Variants in HSPA14 observed in about 807,000 individuals in gnomAD.
The protein encoded by HSPA14 is heat shock 70 kDa protein 14.
In HSPA14, 37 loss-of-function variants were observed where a neutral mutation model predicts 65.5. The ratio of observed to expected loss-of-function variants is 0.56; its 90% CI spans 0.43 to 0.74. The LOEUF (loss-of-function observed/expected upper bound fraction) is 0.74, where lower values mean the gene tolerates loss of function less well. HSPA14 is among the 30% of genes least tolerant of loss of function. The pLI, the probability that HSPA14 is intolerant of heterozygous loss-of-function variation, is 0.00. For synonymous variants in HSPA14, 203 were observed against 214.2 expected (o/e 0.95, Z 0.46); for missense variants, 564 against 607.6 (o/e 0.93, Z 0.75).
intron 12 of HSPA14, among the ~76,000 whole-genome samples, chr10:14,869,555 A>C (rs911459217): frequency 6.6e-6 from 1 of 152,184 alleles, no homozygotes; most frequent in Non-Finnish European, 1.5e-5. Flanking sequence ...TCAGCCTCCC[A>C]AACTGCTGGG....
chr10:14,864,407 G>A (rs976347493), intron 10 of HSPA14, among the ~76,000 whole-genome samples: 2 of 151,214 alleles, frequency 1.3e-5, no homozygotes, highest in Admixed American at 1.3e-4. Context: ...ATGTACACAT[G>A]TGCCATGTTG....
intron 8 of HSPA14, among the ~76,000 whole-genome samples, chr10:14,853,544 T>C (rs1834123450): frequency 6.6e-6 from 1 of 152,222 alleles, no homozygotes; most frequent in Admixed American, 6.5e-5. Context: ...ATTACAATTA[T>C]ATAATGCAGC....
At chr10:14,868,034 T>C (rs1832822350) in intron 12 of HSPA14, 125 bp downstream of exon 12, 1 of 727,054 alleles carries the variant, frequency 1.4e-6, no homozygotes, top group African/African-American at 1.8e-5. Flanking sequence ...TATGAAGGAT[T>C]TTATGAAGGC....
At chr10:14,839,240 G>C (rs1336107887) in intron 1 of HSPA14, among the ~76,000 whole-genome samples, 1 of 152,224 alleles carries the variant, frequency 6.6e-6, no homozygotes, top group East Asian at 1.9e-4. Flanking sequence ...TGACTTGTTA[G>C]GAAAAGCCAA....
chr10:14,839,821 C>G, intron 1 of HSPA14, 84 bp from the exon 2 acceptor site: 1 of 937,378 alleles, frequency 1.1e-6, no homozygotes, highest in Non-Finnish European at 1.6e-6. Flanking sequence ...TCTTTCCACA[C>G]AGATGGCAAA....
chr10:14,862,221 G>T (rs926888144), intron 10 of HSPA14, among the ~76,000 whole-genome samples: 1 of 150,700 alleles, frequency 6.6e-6, no homozygotes, highest in African/African-American at 2.4e-5. Flanking sequence ...GTAGAGATGG[G>T]GTTTCACCGT....
chr10:14,867,007 TCA>T, intron 10 of HSPA14, 74 bp from the exon 11 acceptor site: 3 of 991,352 alleles, frequency 3.0e-6, no homozygotes, highest in Non-Finnish European at 4.7e-6. Flanking sequence ...TGAAGATGAC[TCA>T]GTCTATTACA....
At position 14,853,833 on chromosome 10, in the gene HSPA14, C is replaced by T. The variant is rs558764221; in HGVS notation, c.735-292C>T. 4.6e-5 allele frequency among the ~76,000 whole-genome samples: 7 copies of T among 152,268 alleles called. No individual in the cohort carries two copies. The East Asian group carries it at 7.7e-4, about 17-fold the overall frequency. On this transcript the variant is annotated intron_variant, in intron 8 of 13. Coordinates refer to ENST00000378372, the MANE Select transcript of HSPA14 (RefSeq NM_016299.4). ...CTCCCAGGTTCAAGCGATTCTTCTG[C>T]CTCAGCCTCCCAAGTAGCTGGGATT... is the stretch of plus-strand genomic sequence containing the variant.
At chr10:14,862,592 G>T (rs929145414) in intron 10 of HSPA14, among the ~76,000 whole-genome samples, 1 of 151,458 alleles carries the variant, frequency 6.6e-6, no homozygotes, top group Non-Finnish European at 1.5e-5. Context: ...ATCCAGGATG[G>T]TCTCAATCTC....
chr10:14,856,312 CTAT>C (rs897130293), intron 10 of HSPA14, among the ~76,000 whole-genome samples: 1 of 152,120 alleles, frequency 6.6e-6, no homozygotes, highest in Non-Finnish European at 1.5e-5. Flanking sequence ...AAGGTAAGCA[CTAT>C]TATTTATCCT....
At chr10:14,844,111 C>A in intron 3 of HSPA14, 1 of 1,375,884 alleles carries the variant, frequency 7.3e-7, no homozygotes, top group African/African-American at 1.5e-5. Context: ...TAATAGAAAA[C>A]GATGGAGCCA....
rs1833983715 is a variant in HSPA14 at position 14,842,299 on chromosome 10, T to C, written c.221+2142T>C. 1 of 1,535,852 alleles carries C rather than the reference T, an allele frequency of 6.5e-7. No individual in the cohort carries two copies. The highest frequency in any genetic ancestry group is 8.7e-7 in the Non-Finnish European group (1 of 1,146,706). On this transcript the variant is annotated intron_variant, in intron 3 of 13. Transcript: ENST00000378372. The surrounding 1 kb of genome is among the most constrained non-coding windows in gnomAD (Gnocchi z 5.2). ...TCCAACCCACAATGGCCAGTGCCAA[T>C]AGCAGTGCGGGCATCCGGTGGTCCA...
chr10:14,864,915 G>A (rs564745297), intron 10 of HSPA14, among the ~76,000 whole-genome samples: 30 of 151,566 alleles, frequency 2.0e-4, no homozygotes, highest in African/African-American at 6.8e-4. Flanking sequence ...TTCCACAATG[G>A]TTGAACTAGT....
Position 14,842,694 on chromosome 10 carries a change from G to T in HSPA14, c.221+2537G>T. On this transcript the variant is annotated intron_variant, in intron 3 of 13. Coordinates refer to ENST00000378372, the MANE Select transcript of HSPA14 (RefSeq NM_016299.4). The surrounding 1 kb of genome is among the most constrained non-coding windows in gnomAD (Gnocchi z 5.2). ...GACGCCCCAGGGGAAGAGGGAACCG[G>T]CATTCTAAAATCAAAAAGGACTCAG... The T allele has an allele frequency of 1.3e-6, 2 of 1,536,374 alleles. No homozygotes were observed. The highest frequency in any genetic ancestry group is 2.4e-5 in the East Asian group (1 of 40,916).
chr10:14,843,962 TC>T (rs1311716063), intron 3 of HSPA14: 1 of 1,511,014 alleles, frequency 6.6e-7, no homozygotes, highest in African/African-American at 1.4e-5. Context: ...GCCTTCTGAA[TC>T]CCTGGCTCCT....
chr10:14,858,805 C>T (rs1016022714), intron 10 of HSPA14, among the ~76,000 whole-genome samples: 3 of 152,142 alleles, frequency 2.0e-5, no homozygotes, highest in Admixed American at 6.5e-5. Context: ...CTTCTATCTT[C>T]ATTTTCAGAT....
At chr10:14,838,666 A>C (rs919490344) in intron 1 of HSPA14, 1 of 525,934 alleles carries the variant, frequency 1.9e-6, no homozygotes, top group African/African-American at 2.0e-5. Context: ...TCCGCGGCGG[A>C]GGCTCGCGGC....
chr10:14,843,923 A>C, intron 3 of HSPA14: 3 of 1,534,416 alleles, frequency 2.0e-6, no homozygotes, highest in Non-Finnish European at 2.6e-6. Flanking sequence ...TCTGCTTCCT[A>C]AACTGGTAGA....
intron 1 of HSPA14, among the ~76,000 whole-genome samples, chr10:14,839,447 C>T (rs1452585228): frequency 1.3e-5 from 2 of 152,058 alleles, no homozygotes; most frequent in Admixed American, 1.3e-4. Context: ...CGCCTGTAAT[C>T]CCAGCTGCTC....
Sources: allele counts gnomAD v4.1 joint callset (sites outside exome capture counted in the v4.1 genomes callset), GRCh38; gene constraint gnomAD v4.1.1; non-coding constraint Gnocchi (gnomAD v3.1); transcripts MANE v1.5; gene names NCBI Gene and HGNC (gene_info 2026-07-23, HGNC 2026-07-21).